JAKMIP1: variants seen among roughly 807,000 people sequenced by gnomAD.
JAKMIP1 encodes the protein janus kinase and microtubule-interacting protein 1.
In JAKMIP1, 33 loss-of-function variants were observed where a neutral mutation model predicts 113.0. That is an observed-to-expected ratio of 0.29 (90% CI 0.22 to 0.39). The LOEUF (loss-of-function observed/expected upper bound fraction) is 0.39. JAKMIP1 is among the 10% of genes least tolerant of loss of function. The probability of loss-of-function intolerance (pLI) is 1.00; values close to 1 mark genes in which losing one functional copy is unlikely to be tolerated. For synonymous variants in JAKMIP1, 480 were observed against 459.9 expected (o/e 1.04, Z -0.56); for missense variants, 813 against 1,080.5 (o/e 0.75, Z 3.47).
rs144030215 is a variant in JAKMIP1, at chr4:6,080,248, G to A, written c.1166C>T (p.Thr389Met). Residue 389 changes from threonine (T) to methionine (M), a missense_variant, in exon 7 of 21, where the codon ACG (threonine) becomes ATG (methionine). Transcript: ENST00000409021. The surrounding 1 kb of genome is among the most constrained non-coding windows in gnomAD (Gnocchi z 6.0). ...RHTSLNDLSL[T>M]RDEQEIEFLR... is the part of the protein sequence containing the mutation. ...GAACTCGATCTCCTGCTCATCCCTC[G>A]TCAGGCTGAGGTCATTCAAGGAGGT... The A allele has an allele frequency of 2.0e-4, 323 of 1,614,170 alleles. 1 individual carries two copies. In the East Asian group the frequency reaches 4.8e-3, roughly 24 times the overall value.
chr4:6,090,988 A>T (rs1364232184), intron 3 of JAKMIP1, among the ~76,000 whole-genome samples: 1 of 152,162 alleles, frequency 6.6e-6, no homozygotes, highest in African/African-American at 2.4e-5. Flanking sequence ...TTTCTTCTTG[A>T]CTTTTACTAA....
chr4:6,034,409 T>A (rs895783814), intron 19 of JAKMIP1, among the ~76,000 whole-genome samples: 1 of 152,176 alleles, frequency 6.6e-6, no homozygotes, highest in South Asian at 2.1e-4. Flanking sequence ...AACCACACCA[T>A]GCTGCTCTGC....
chr4:6,112,800 G>C lies in JAKMIP1; in HGVS notation c.51C>G (p.Asp17Glu), dbSNP rs766389811. The change falls in exon 2 of 21, where the codon GAC becomes GAG. Residue 17 changes from aspartate to glutamate, a missense_variant. Transcript: ENST00000409021. ...GCTCCTCGTTGGCCATCTGCACCGC[G>C]TCCGTCTCCATCTCGGGCTTCTCGC... ...SKGEKPEMET[D>E]AVQMANEELR... The C allele has an allele frequency of 5.0e-6, 8 of 1,613,940 alleles. No homozygotes were observed. The highest frequency in any genetic ancestry group is 6.8e-6 in the Non-Finnish European group (8 of 1,180,046).
At position 6,031,739 on chromosome 4, in the gene JAKMIP1, C is replaced by T. The variant is rs906727508; in HGVS notation, c.2380-1958G>A. On this transcript the variant is annotated intron_variant, in intron 19 of 20. Coordinates refer to ENST00000409021, the MANE Select transcript of JAKMIP1 (RefSeq NM_001099433.2). This position sits in a 1 kb window ranked among gnomAD's most constrained non-coding sequence, Gnocchi z 4.4. The stretch of plus-strand genomic sequence containing the variant: ...GGGCAGCCAAACAGAATGGATTCCA[C>T]GAAGGAGACAGAAAAAAAGATGATT... Among the ~76,000 whole-genome samples the T allele has an allele frequency of 2.6e-5, 4 of 152,088 alleles. No homozygotes were observed. The highest frequency in any genetic ancestry group is 6.5e-5 in the Admixed American group (1 of 15,284).
At chr4:6,026,537 G>C (rs763921170) in intron 20 of JAKMIP1, among the ~76,000 whole-genome samples, 6 of 152,112 alleles carry the variant, frequency 3.9e-5, no homozygotes, top group Non-Finnish European at 7.4e-5. Flanking sequence ...ATTCAGGGGA[G>C]ATTGACACTC....
At chr4:6,169,339 A>C (rs1448785419) in intron 1 of JAKMIP1, among the ~76,000 whole-genome samples, 4 of 152,126 alleles carry the variant, frequency 2.6e-5, no homozygotes, top group East Asian at 1.9e-4. Flanking sequence ...CTTATAAAAG[A>C]TACTCAGACA....
chr4:6,122,474 G>T (rs1270852222), intron 1 of JAKMIP1, among the ~76,000 whole-genome samples: 1 of 152,314 alleles, frequency 6.6e-6, no homozygotes, highest in East Asian at 1.9e-4. Context: ...CTACAAAGAC[G>T]CTGCATTGCA....
rs142833098 is a variant in JAKMIP1, at chr4:6,103,938, G to C, written c.624+1535C>G. 3.4e-3 allele frequency among the ~76,000 whole-genome samples: 517 copies of C among 152,178 alleles called. 2 individuals are homozygous for C. The highest frequency in any genetic ancestry group is 0.012 in the African/African-American group (494 of 41,546). ...GTTTTAATTAACTCTTGAATTTGTTGATTTTCTTTATTGATTTTATTTCAC... is the reference window on the plus strand; with the variant it reads ...GTTTTAATTAACTCTTGAATTTGTTCATTTTCTTTATTGATTTTATTTCAC... On this transcript the variant is annotated intron_variant, in intron 3 of 20. Coordinates refer to ENST00000409021, the MANE Select transcript of JAKMIP1 (RefSeq NM_001099433.2).
chr4:6,071,495 G>A (rs1718954567), intron 8 of JAKMIP1, among the ~76,000 whole-genome samples: 1 of 152,202 alleles, frequency 6.6e-6, no homozygotes, highest in Non-Finnish European at 1.5e-5. Context: ...CTGAGACCAG[G>A]ACTCACCACC....
chr4:6,175,173 C>T (rs990851490), intron 1 of JAKMIP1, among the ~76,000 whole-genome samples: 2 of 152,096 alleles, frequency 1.3e-5, no homozygotes, highest in African/African-American at 2.4e-5. Flanking sequence ...AGCACTGACA[C>T]GCAGGCAAGT....
At chr4:6,120,180 C>CTTT (rs11370537) in intron 1 of JAKMIP1, among the ~76,000 whole-genome samples, 20 of 146,704 alleles carry the variant, frequency 1.4e-4, no homozygotes, top group African/African-American at 4.3e-4. Flanking sequence ...TCTAGCCACA[C>CTTT]TTTTTTTTTT....
At chr4:6,032,968 G>C (rs1427296636) in intron 19 of JAKMIP1, among the ~76,000 whole-genome samples, 1 of 152,208 alleles carries the variant, frequency 6.6e-6, no homozygotes. Context: ...GTCTCTGCAG[G>C]CCAACTGTGG....
rs1721882992 is a variant in JAKMIP1, at chr4:6,153,650, G to A, written c.-147-40653C>T. 6.6e-6 allele frequency among the ~76,000 whole-genome samples: 1 copy of A among 152,088 alleles called. No individual in the cohort carries two copies. Among genetic ancestry groups the A allele is most frequent in the African/African-American group, 2.4e-5 (1 of 41,390 alleles). ...GCCATCATGTTCCCGTGTGCCCCTCGGCACCTTACCTTTATGTGCTTAGTA... is the reference window on the plus strand; with the variant it reads ...GCCATCATGTTCCCGTGTGCCCCTCAGCACCTTACCTTTATGTGCTTAGTA... On this transcript the variant is annotated intron_variant, in intron 1 of 20. Coordinates refer to ENST00000409021, the MANE Select transcript of JAKMIP1 (RefSeq NM_001099433.2). This position sits in a 1 kb window ranked among gnomAD's most constrained non-coding sequence, Gnocchi z 4.9.
In JAKMIP1 at chr4:6,176,564, A is replaced by G. The variant is rs1578474480; in HGVS notation, c.-148+23689T>C. On this transcript the variant is annotated intron_variant, in intron 1 of 20. Transcript: ENST00000409021. This position sits in a 1 kb window ranked among gnomAD's most constrained non-coding sequence, Gnocchi z 5.5. ...TGTACCACATCACCCGGACACACTC[A>G]GAATGGGGCAATGGGGTCAGGGAAT... is the stretch of plus-strand genomic sequence containing the variant. 6.6e-6 allele frequency among the ~76,000 whole-genome samples: 1 copy of G among 152,216 alleles called. No homozygotes were observed. The highest frequency in any genetic ancestry group is 1.9e-4 in the East Asian group (1 of 5,184).
At chr4:6,166,024 G>C (rs529085049) in intron 1 of JAKMIP1, among the ~76,000 whole-genome samples, 12 of 152,014 alleles carry the variant, frequency 7.9e-5, no homozygotes, top group Non-Finnish European at 1.5e-4. Flanking sequence ...CCACTTTCAC[G>C]TCACCTCCTG....
chr4:6,102,818 C>G (rs1311752775), intron 3 of JAKMIP1, among the ~76,000 whole-genome samples: 1 of 144,298 alleles, frequency 6.9e-6, no homozygotes, highest in Admixed American at 7.2e-5. Context: ...ACTGCAAGCT[C>G]CACCTCCCAG....
rs541529136 is a variant in JAKMIP1, at chr4:6,196,785, C to T, written c.-148+3468G>A. On this transcript the variant is annotated intron_variant, in intron 1 of 20. Transcript: ENST00000409021. ...CTGAGGCAGGAGAATCACTTGAACC[C>T]AGGAGGCGGATGTTGCAGTGAGCCA... Among the ~76,000 whole-genome samples the T allele has an allele frequency of 1.5e-4, 23 of 151,930 alleles. 1 individual carries two copies. The highest frequency in any genetic ancestry group is 5.3e-4 in the African/African-American group (22 of 41,368).
rs1560110359 is a variant in JAKMIP1 at position 6,050,375 on chromosome 4, C to T, written c.1908+203G>A. Reference sequence around the variant, plus strand: ...TGGGGTTCACACTCAGGGCTATACACCAAGCCTCTGCTGTTTTAAACATAT... The same window carrying T: ...TGGGGTTCACACTCAGGGCTATACATCAAGCCTCTGCTGTTTTAAACATAT... On this transcript the variant is annotated intron_variant, in intron 14 of 20. Transcript: ENST00000409021. The surrounding 1 kb of genome is among the most constrained non-coding windows in gnomAD (Gnocchi z 7.4). Among the ~76,000 whole-genome samples, 1 of 152,240 alleles carries T rather than the reference C, an allele frequency of 6.6e-6. No individual in the cohort carries two copies. Among genetic ancestry groups the T allele is most frequent in the South Asian group, 2.1e-4 (1 of 4,828 alleles).
At chr4:6,174,265 C>G (rs565469023) in intron 1 of JAKMIP1, among the ~76,000 whole-genome samples, 31 of 152,254 alleles carry the variant, frequency 2.0e-4, no homozygotes, top group African/African-American at 7.2e-4. Context: ...AGCCAGGTCT[C>G]CGTCAGAGGT....
Sources: allele counts gnomAD v4.1 joint callset (sites outside exome capture counted in the v4.1 genomes callset), GRCh38; gene constraint gnomAD v4.1.1; non-coding constraint Gnocchi (gnomAD v3.1); transcripts MANE v1.5; gene names NCBI Gene and HGNC (gene_info 2026-07-23, HGNC 2026-07-21).